CNTN5: variants seen among roughly 807,000 people sequenced by gnomAD.
The protein encoded by CNTN5 is contactin-5.
In CNTN5, 77 loss-of-function variants were observed where a neutral mutation model predicts 129.1. That is an observed-to-expected ratio of 0.60 (90% CI 0.50 to 0.72). The LOEUF is 0.72. Among genes scored for constraint, CNTN5 ranks in the 30% least tolerant of loss-of-function variants. CNTN5 has a pLI of 0.00. For missense variants in CNTN5, 1,478 were observed against 1,328.8 expected (o/e 1.11, Z -1.75); for synonymous variants, 509 against 465.6 (o/e 1.09, Z -1.20).
At chr11:100,054,375 A>C (rs937746962) in intron 9 of CNTN5, among the ~76,000 whole-genome samples, 1 of 151,774 alleles carries the variant, frequency 6.6e-6, no homozygotes, top group African/African-American at 2.4e-5. Context: ...CACATTTTGC[A>C]TTCTTTCTAT....
At chr11:99,798,278 C>T (rs1331206162) in intron 3 of CNTN5, among the ~76,000 whole-genome samples, 1 of 152,054 alleles carries the variant, frequency 6.6e-6, no homozygotes, top group East Asian at 1.9e-4. Context: ...ATCCATGTTC[C>T]TGCAAAAGAA....
intron 3 of CNTN5, among the ~76,000 whole-genome samples, chr11:99,747,136 C>T (rs116283212): frequency 6.6e-6 from 1 of 151,812 alleles, no homozygotes; most frequent in Non-Finnish European, 1.5e-5. Flanking sequence ...ATATTTTGCC[C>T]CCTTAGTTAA....
intron 1 of CNTN5, among the ~76,000 whole-genome samples, chr11:99,052,679 G>A (rs1385123326): frequency 6.6e-6 from 1 of 151,818 alleles, no homozygotes; most frequent in African/African-American, 2.4e-5. Context: ...AGTAGTTAAT[G>A]TGGCCAAACT....
intron 3 of CNTN5, among the ~76,000 whole-genome samples, chr11:99,629,423 C>G (rs1228172440): frequency 6.6e-6 from 1 of 151,992 alleles, no homozygotes; most frequent in East Asian, 1.9e-4. Context: ...CTGGAACAGA[C>G]ATTTTCTCAG....
At chr11:99,026,635 C>T (rs1048187906) in intron 1 of CNTN5, among the ~76,000 whole-genome samples, 7 of 151,478 alleles carry the variant, frequency 4.6e-5, no homozygotes, top group African/African-American at 1.7e-4. Flanking sequence ...AGAATAAATA[C>T]CATTTAATAT....
intron 1 of CNTN5, among the ~76,000 whole-genome samples, chr11:99,138,016 A>G (rs1466332334): frequency 2.6e-5 from 4 of 152,194 alleles, no homozygotes; most frequent in African/African-American, 9.6e-5. Flanking sequence ...ACAATACATT[A>G]GAGTTAACAA....
chr11:100,040,344 G>T (rs1488714438), intron 9 of CNTN5, among the ~76,000 whole-genome samples: 4 of 152,172 alleles, frequency 2.6e-5, no homozygotes, highest in Non-Finnish European at 5.9e-5. Flanking sequence ...TGTCTCAGAA[G>T]AGTACCTGGC....
intron 2 of CNTN5, among the ~76,000 whole-genome samples, chr11:99,522,074 A>G (rs1343950397): frequency 6.6e-6 from 1 of 152,160 alleles, no homozygotes; most frequent in Non-Finnish European, 1.5e-5. Flanking sequence ...AAAACTGGAA[A>G]CTTGGGAAAA....
intron 1 of CNTN5, among the ~76,000 whole-genome samples, chr11:99,112,598 A>C (rs1292289785): frequency 1.3e-5 from 2 of 152,014 alleles, no homozygotes; most frequent in Non-Finnish European, 2.9e-5. Flanking sequence ...CACTCGCCTG[A>C]AAGCCTTAAA....
chr11:99,337,027 T>A (rs1866258806), intron 2 of CNTN5, among the ~76,000 whole-genome samples: 1 of 152,084 alleles, frequency 6.6e-6, no homozygotes, highest in Non-Finnish European at 1.5e-5. Context: ...ATACAGAGTA[T>A]TTCTTCATGC....
At chr11:99,635,859 A>T (rs890970264) in intron 3 of CNTN5, among the ~76,000 whole-genome samples, 29 of 152,192 alleles carry the variant, frequency 1.9e-4, no homozygotes, top group African/African-American at 6.5e-4. Context: ...TTATAAAAGT[A>T]TAAAACCCAG....
chr11:99,649,111 C>A (rs1442648990), intron 3 of CNTN5, among the ~76,000 whole-genome samples: 1 of 151,686 alleles, frequency 6.6e-6, no homozygotes, highest in South Asian at 2.1e-4. Context: ...GCTAGTTGTG[C>A]TAATTACTAT....
intron 13 of CNTN5, among the ~76,000 whole-genome samples, chr11:100,168,277 T>C (rs1437829931): frequency 6.6e-6 from 1 of 151,998 alleles, no homozygotes; most frequent in Non-Finnish European, 1.5e-5. Flanking sequence ...ATTTTCAATG[T>C]AGACAAAACA....
At chr11:99,473,055 T>C (rs1945234991) in intron 2 of CNTN5, among the ~76,000 whole-genome samples, 3 of 152,154 alleles carry the variant, frequency 2.0e-5, no homozygotes, top group South Asian at 4.1e-4. Flanking sequence ...TTCTGACACA[T>C]CTCTTTGCTT....
chr11:99,873,081 CTT>C (rs1948543966), intron 6 of CNTN5, among the ~76,000 whole-genome samples: 1 of 35,112 alleles, frequency 2.8e-5, no homozygotes, highest in Admixed American at 4.2e-4. Flanking sequence ...ATTACAAACA[CTT>C]TTGTAACTGC....
intron 2 of CNTN5, among the ~76,000 whole-genome samples, chr11:99,505,177 G>T (rs762757353): frequency 4.6e-5 from 7 of 152,144 alleles, no homozygotes; most frequent in African/African-American, 1.7e-4. Flanking sequence ...GAAAGAAAGC[G>T]CTGGACTTGT....
At chr11:100,123,520 T>G (rs1339107983) in intron 13 of CNTN5, among the ~76,000 whole-genome samples, 2 of 152,054 alleles carry the variant, frequency 1.3e-5, no homozygotes, top group Non-Finnish European at 2.9e-5. Flanking sequence ...ATCTAAATAT[T>G]GAAATTAGTC....
At chr11:99,386,320 T>A (rs977178795) in intron 2 of CNTN5, among the ~76,000 whole-genome samples, 90 of 152,084 alleles carry the variant, frequency 5.9e-4, no homozygotes, top group Admixed American at 5.8e-3. Flanking sequence ...AGTAAAGGAA[T>A]AAAGAATGGC....
At chr11:99,456,991 A>C (rs1278326409) in intron 2 of CNTN5, among the ~76,000 whole-genome samples, 1 of 152,022 alleles carries the variant, frequency 6.6e-6, no homozygotes, top group African/African-American at 2.4e-5. Context: ...TGATAAAATA[A>C]AAAAGAAGAC....
Sources: gnomAD v4.1 joint callset for allele counts (sites outside exome capture counted in the v4.1 genomes callset) on GRCh38, gnomAD v4.1.1 for gene constraint, MANE v1.5 for transcripts, NCBI Gene and HGNC (gene_info 2026-07-23, HGNC 2026-07-21) for gene names.